The following PWP1 variants were observed in gnomAD, a reference collection of about 807,000 sequenced individuals.
The protein encoded by PWP1 is periodic tryptophan protein 1 homolog.
In PWP1, 47 loss-of-function variants were observed where a neutral mutation model predicts 69.9. The ratio of observed to expected loss-of-function variants is 0.67; its 90% CI spans 0.53 to 0.86. The LOEUF is 0.86. PWP1 is among the 40% of genes least tolerant of loss of function. PWP1 has a pLI of 0.00. For synonymous variants in PWP1, 222 were observed against 208.2 expected, an observed-to-expected ratio of 1.07 and a Z score of -0.57; for missense variants, 551 against 608.8, an observed-to-expected ratio of 0.91 and a Z score of 1.00.
chr12:107,688,051 AAAAAAAAAAG>A (rs1889405613), intron 1 of PWP1, among the ~76,000 whole-genome samples: 1 of 149,938 alleles, frequency 6.7e-6, no homozygotes, highest in Admixed American at 6.6e-5. Context: ...AAAAAAAAAA[AAAAAAAAAAG>A]AACAGAGGAC....
At chr12:107,703,637 G>A (rs572253418) in intron 9 of PWP1, 48 bp from the exon 10 acceptor site, 59 of 1,509,998 alleles carry the variant, frequency 3.9e-5, no homozygotes, top group Non-Finnish European at 5.2e-5. Context: ...GTAATTTTAC[G>A]AAAAGCAAAC....
intron 8 of PWP1, among the ~76,000 whole-genome samples, chr12:107,700,894 A>C (rs1179601389): frequency 7.4e-6 from 1 of 134,578 alleles, no homozygotes; most frequent in African/African-American, 2.5e-5. Context: ...TTTAATTTGC[A>C]TTTCCCCCCC....
chr12:107,705,230 C>T (rs1023284902), intron 11 of PWP1, among the ~76,000 whole-genome samples: 17 of 152,022 alleles, frequency 1.1e-4, no homozygotes, highest in Non-Finnish European at 2.5e-4. Flanking sequence ...CAATGATTTT[C>T]CACATAGCAT....
At position 107,692,912 on chromosome 12, in the gene PWP1, A is replaced by G. The variant is rs1302473861; in HGVS notation, c.405+13A>G. ...TCTGAAAGATACAGTAAGTATTTAC[A>G]TCTTTTTTCTAATTATGCTCTTAAG... is the stretch of plus-strand genomic sequence containing the variant. On this transcript the variant is annotated intron_variant, in intron 4 of 14. Transcript: ENST00000412830. The G allele has an allele frequency of 1.9e-6, 3 of 1,613,586 alleles. No homozygotes were observed. The highest frequency in any genetic ancestry group is 1.3e-5 in the African/African-American group (1 of 74,878).
At chr12:107,691,177 T>G (rs1413051514) in intron 3 of PWP1, among the ~76,000 whole-genome samples, 1 of 152,226 alleles carries the variant, frequency 6.6e-6, no homozygotes, top group East Asian at 1.9e-4. Context: ...AGGAAGCCTT[T>G]AGTGCCAGAG....
In PWP1 at chr12:107,704,651, T is replaced by G; in HGVS notation, c.981T>G (p.Tyr327Ter). ...ATGTGTCTAGGTCAGTGGCTTTGTATGACTGCCGAAGTCCAGATGAAAGCC... is the reference window on the plus strand; with the variant it reads ...ATGTGTCTAGGTCAGTGGCTTTGTAGGACTGCCGAAGTCCAGATGAAAGCC... ...SGSYDKSVAL[Y>*]DCRSPDESHR... The change falls in exon 11 of 15, where the codon TAT (tyrosine) becomes TAG (stop). Residue 327 changes from tyrosine (Y) to a stop codon, truncating the protein, a stop_gained. Transcript: ENST00000412830. LOFTEE classifies it high-confidence loss of function. The G allele has an allele frequency of 6.2e-7, 1 of 1,613,984 alleles. No individual in the cohort carries two copies. The highest frequency in any genetic ancestry group is 1.3e-5 in the African/African-American group (1 of 75,048).
chr12:107,701,357 A>G (rs536798298), intron 8 of PWP1, among the ~76,000 whole-genome samples: 22 of 151,978 alleles, frequency 1.4e-4, no homozygotes, highest in Non-Finnish European at 2.5e-4. Context: ...CCTACTACCA[A>G]ATACATGATT....
chr12:107,686,249 A>G (rs778680784), intron 1 of PWP1: 58 of 529,978 alleles, frequency 1.1e-4, no homozygotes, highest in South Asian at 5.4e-4. Flanking sequence ...CGGGCCGGAA[A>G]GGGGTGGGCT....
In PWP1 at chr12:107,692,850, C is replaced by T. The variant is rs769546991; in HGVS notation, c.356C>T (p.Thr119Met). The change falls in exon 4 of 15, where the codon ACG becomes ATG. Residue 119 changes from threonine to methionine, a missense_variant. Transcript: ENST00000412830. ...ETLGESLLGL[T>M]VYGSNDQDPY... Reference sequence around the variant, plus strand: ...CTTGGTGAATCTCTCTTGGGTCTTACGGTCTACGGGAGTAATGATCAAGAT... The same window carrying T: ...CTTGGTGAATCTCTCTTGGGTCTTATGGTCTACGGGAGTAATGATCAAGAT... 1.5e-5 allele frequency: 24 copies of T among 1,613,642 alleles called. No individual in the cohort carries two copies. Among genetic ancestry groups the T allele is most frequent in the Admixed American group, 3.3e-5 (2 of 59,980 alleles).
chr12:107,711,648 CAG>C (rs1420685722), intron 14 of PWP1, among the ~76,000 whole-genome samples: 10 of 152,166 alleles, frequency 6.6e-5, no homozygotes, highest in Non-Finnish European at 1.5e-4. Flanking sequence ...TCTACAAACA[CAG>C]AGATAATATA....
chr12:107,697,145 G>C (rs1008545285), intron 6 of PWP1, among the ~76,000 whole-genome samples: 1 of 152,160 alleles, frequency 6.6e-6, no homozygotes, highest in Non-Finnish European at 1.5e-5. Context: ...AGCACCCCAT[G>C]AAGGAGGACG....
At chr12:107,699,116 G>T (rs1238023850) in intron 7 of PWP1, among the ~76,000 whole-genome samples, 1 of 151,984 alleles carries the variant, frequency 6.6e-6, no homozygotes, top group Non-Finnish European at 1.5e-5. Flanking sequence ...AAAATTAGCT[G>T]GGCATGGTGG....
At chr12:107,688,018 G>C (rs1019702939) in intron 1 of PWP1, among the ~76,000 whole-genome samples, 1 of 112,984 alleles carries the variant, frequency 8.9e-6, no homozygotes, top group Non-Finnish European at 1.7e-5. Context: ...GCAACAGAGC[G>C]AGACTCCGTC....
At chr12:107,696,789 A>G (rs974333818) in intron 6 of PWP1, among the ~76,000 whole-genome samples, 1 of 152,194 alleles carries the variant, frequency 6.6e-6, no homozygotes, top group Non-Finnish European at 1.5e-5. Context: ...CAGGTAGGCT[A>G]AGGAGGTAGC....
chr12:107,708,355 C>G (rs1163270737), intron 11 of PWP1, among the ~76,000 whole-genome samples: 2 of 152,138 alleles, frequency 1.3e-5, no homozygotes, highest in African/African-American at 4.8e-5. Flanking sequence ...GGCTGTTGCC[C>G]TTGGCCTGTA....
rs760491833 is a variant in PWP1, at chr12:107,688,818, T to A, written c.319+16T>A. On this transcript the variant is annotated intron_variant, in intron 3 of 14. Coordinates refer to ENST00000412830, the MANE Select transcript of PWP1 (RefSeq NM_007062.3). ...GGTGACCCAGGTTAGTTTATCCACT[T>A]CTGATGGTTTGTAATTACAAGCTCA... 1.2e-6 allele frequency: 2 copies of A among 1,607,330 alleles called. No homozygotes were observed. The highest frequency in any genetic ancestry group is 1.7e-6 in the Non-Finnish European group (2 of 1,175,664).
At chr12:107,711,917 A>G (rs973039490) in intron 14 of PWP1, among the ~76,000 whole-genome samples, 194 bp from the exon 15 acceptor site, 3 of 152,222 alleles carry the variant, frequency 2.0e-5, no homozygotes, top group Non-Finnish European at 2.9e-5. Flanking sequence ...CAAAGAAAGT[A>G]AAGTACAAAA....
intron 5 of PWP1, among the ~76,000 whole-genome samples, chr12:107,694,982 G>A (rs964062211): frequency 2.0e-5 from 3 of 151,926 alleles, no homozygotes; most frequent in African/African-American, 7.3e-5. Context: ...GTTGCTGGGC[G>A]TAGTGACTCA....
chr12:107,699,938 T>A (rs1412206493), intron 8 of PWP1, among the ~76,000 whole-genome samples: 3 of 152,200 alleles, frequency 2.0e-5, no homozygotes, highest in African/African-American at 7.2e-5. Flanking sequence ...TCTGTATGGC[T>A]GGGGAGGCCT....
Sources: gnomAD v4.1 joint callset for allele counts (sites outside exome capture counted in the v4.1 genomes callset) on GRCh38, gnomAD v4.1.1 for gene constraint, MANE v1.5 for transcripts, NCBI Gene and HGNC (gene_info 2026-07-23, HGNC 2026-07-21) for gene names.